ADGRL4: variants seen among roughly 807,000 people sequenced by gnomAD.
ADGRL4 encodes the protein adhesion G protein-coupled receptor L4.
ADGRL4 carries 90 observed loss-of-function variants against 74.8 expected under a neutral mutation model. That is an observed-to-expected ratio of 1.20 (90% CI 1.02 to 1.43). The LOEUF is 1.43. Among genes scored for constraint, ADGRL4 ranks in the 40% most tolerant of loss-of-function variants. The pLI, the probability that ADGRL4 is intolerant of heterozygous loss-of-function variation, is 0.00. For missense variants in ADGRL4, 881 were observed against 814.3 expected (o/e 1.08, Z -1.00); for synonymous variants, 311 against 279.2 (o/e 1.11, Z -1.14).
chr1:78,916,755 G>T (rs982908338), intron 12 of ADGRL4, among the ~76,000 whole-genome samples: 3 of 151,900 alleles, frequency 2.0e-5, no homozygotes, highest in African/African-American at 2.4e-5. Context: ...AAGATGGCTA[G>T]CTTACGGTCA....
At chr1:78,952,136 G>C (rs1266791619) in intron 2 of ADGRL4, among the ~76,000 whole-genome samples, 1 of 151,814 alleles carries the variant, frequency 6.6e-6, no homozygotes, top group African/African-American at 2.4e-5. Flanking sequence ...GATATTATTG[G>C]CCGGGCTCAA....
chr1:78,949,368 G>A (rs749051219), intron 2 of ADGRL4, among the ~76,000 whole-genome samples: 12 of 151,988 alleles, frequency 7.9e-5, no homozygotes, highest in Non-Finnish European at 1.6e-4. Flanking sequence ...GTATGGTTTT[G>A]AGCGCTTGAC....
At chr1:78,907,024 A>G (rs557337180) in intron 12 of ADGRL4, among the ~76,000 whole-genome samples, 8 of 152,108 alleles carry the variant, frequency 5.3e-5, no homozygotes, top group African/African-American at 1.9e-4. Flanking sequence ...AATTCAGGGC[A>G]TGGAAAGAAC....
chr1:78,937,162 C>T (rs569167479), intron 6 of ADGRL4, among the ~76,000 whole-genome samples: 29 of 152,188 alleles, frequency 1.9e-4, no homozygotes, highest in African/African-American at 6.3e-4. Context: ...GTGTTATATC[C>T]GGCTGGGCAT....
intron 7 of ADGRL4, among the ~76,000 whole-genome samples, chr1:78,935,772 T>C (rs1649339799): frequency 6.6e-6 from 1 of 152,080 alleles, no homozygotes; most frequent in African/African-American, 2.4e-5. Flanking sequence ...GACCCAGATA[T>C]TGTCAGCCAA....
At chr1:78,977,425 T>C (rs114000948) in intron 2 of ADGRL4, among the ~76,000 whole-genome samples, 1 of 151,838 alleles carries the variant, frequency 6.6e-6, no homozygotes, top group African/African-American at 2.4e-5. Context: ...AAACTCAGAG[T>C]GTGCATCTAA....
At chr1:78,898,434 A>G (rs1486678407) in intron 12 of ADGRL4, among the ~76,000 whole-genome samples, 1 of 152,014 alleles carries the variant, frequency 6.6e-6, no homozygotes, top group Non-Finnish European at 1.5e-5. Flanking sequence ...ATTAATCTCT[A>G]AATGTTAGTG....
chr1:78,944,206 CAG>C (rs1394871067), intron 3 of ADGRL4, among the ~76,000 whole-genome samples: 1 of 152,020 alleles, frequency 6.6e-6, no homozygotes, highest in Non-Finnish European at 1.5e-5. Flanking sequence ...GATAAAAAGA[CAG>C]ATGTCTTCTA....
At chr1:78,921,902 C>A in intron 8 of ADGRL4, 116 bp from the exon 9 acceptor site, 1 of 507,458 alleles carries the variant, frequency 2.0e-6, no homozygotes, top group Non-Finnish European at 3.2e-6. Flanking sequence ...CAGTGAAACA[C>A]AAAACAAATT....
rs773859367 is a variant in ADGRL4 at position 78,997,817 on chromosome 1, A to T, written c.172+7253T>A. On this transcript the variant is annotated intron_variant, in intron 2 of 14. Coordinates refer to ENST00000370742, the MANE Select transcript of ADGRL4 (RefSeq NM_022159.4). Reference sequence around the variant, plus strand: ...CTCCAGATTTTGCCAGCTAGCCATTACCATCTCTGAAGTAAAAGAGATTTC... The same window carrying T: ...CTCCAGATTTTGCCAGCTAGCCATTTCCATCTCTGAAGTAAAAGAGATTTC... 3.9e-5 allele frequency among the ~76,000 whole-genome samples: 6 copies of T among 152,192 alleles called. No individual in the cohort carries two copies. The South Asian group carries it at 8.3e-4, about 21-fold the overall frequency.
chr1:78,920,457 A>C (rs1195966136), intron 9 of ADGRL4, 71 bp from the exon 10 acceptor site: 45 of 868,264 alleles, frequency 5.2e-5, no homozygotes, highest in Non-Finnish European at 6.8e-5. Flanking sequence ...ACAACATATA[A>C]TGAACTTCCT....
chr1:78,947,313 A>G (rs1241077798), intron 2 of ADGRL4, among the ~76,000 whole-genome samples: 2 of 152,168 alleles, frequency 1.3e-5, no homozygotes, highest in Admixed American at 6.6e-5. Flanking sequence ...CGCTAATTCA[A>G]TGATTGACAT....
chr1:78,946,368 GTTAGTGCAA>G lies in ADGRL4; in HGVS notation c.222_230del (p.Cys75_Asn77del). On this transcript the variant is annotated inframe_deletion, in exon 3 of 15. Coordinates refer to ENST00000370742, the MANE Select transcript of ADGRL4 (RefSeq NM_022159.4). The stretch of plus-strand genomic sequence containing the variant: ...ACATACAATAATAACTTCCTTCTGT[GTTAGTGCAA>G]TTAGCATTTTCGCCACAGGACTGAG... 6.2e-7 allele frequency: 1 copy of G among 1,612,966 alleles called. No individual in the cohort carries two copies. The highest frequency in any genetic ancestry group is 8.5e-7 in the Non-Finnish European group (1 of 1,179,390).
rs750644949 is a variant in ADGRL4, at chr1:78,893,199, G to T, written c.1750-10C>A. Reference sequence around the variant, plus strand: ...AAGCCAAGAGATTAACCTGGAAAAAGAATTAATTTCAAAGAAGAGATAGTT... The same window carrying T: ...AAGCCAAGAGATTAACCTGGAAAAATAATTAATTTCAAAGAAGAGATAGTT... On this transcript the variant is annotated splice_polypyrimidine_tract_variant and intron_variant, in intron 12 of 14. Transcript: ENST00000370742. 2.0e-6 allele frequency: 3 copies of T among 1,538,064 alleles called. No individual in the cohort carries two copies. The highest frequency in any genetic ancestry group is 2.7e-6 in the Non-Finnish European group (3 of 1,124,154).
intron 3 of ADGRL4, among the ~76,000 whole-genome samples, chr1:78,940,609 A>T (rs1401586237): frequency 1.3e-5 from 2 of 152,122 alleles, no homozygotes; most frequent in South Asian, 2.1e-4. Context: ...TAATGCAAAA[A>T]TTTTTATGTT....
intron 7 of ADGRL4, among the ~76,000 whole-genome samples, chr1:78,932,512 A>G (rs1649262633): frequency 6.6e-6 from 1 of 150,994 alleles, no homozygotes; most frequent in South Asian, 2.1e-4. Flanking sequence ...CAATTAAAAG[A>G]GCTAGAGAAG....
chr1:78,917,831 C>T lies in ADGRL4; in HGVS notation c.1681G>A (p.Val561Ile), dbSNP rs1230376119. Residue 561 changes from valine (V) to isoleucine (I), a missense_variant and splice_region_variant, in exon 11 of 15, where the codon GTA becomes ATA. Transcript: ENST00000370742. ...LGYRYYGTTK[V>I]CWLSTENNFI... ...GCTCATGAAATCATTTTAACTTACA[C>T]TTTGGTTGTGCCATAATATCTGTAT... 4 of 1,611,784 alleles carry T rather than the reference C, an allele frequency of 2.5e-6. No homozygotes were observed. The South Asian group carries it at 4.4e-5, about 18-fold the overall frequency.
intron 2 of ADGRL4, among the ~76,000 whole-genome samples, chr1:78,947,814 T>G (rs145294173): frequency 6.6e-6 from 1 of 152,226 alleles, no homozygotes; most frequent in East Asian, 1.9e-4. Flanking sequence ...TAAAAACAAG[T>G]CAGGTTTGAA....
At chr1:78,972,851 T>C (rs1650196342) in intron 2 of ADGRL4, among the ~76,000 whole-genome samples, 2 of 152,210 alleles carry the variant, frequency 1.3e-5, no homozygotes, top group Non-Finnish European at 2.9e-5. Flanking sequence ...TTCCATCTGT[T>C]GTTGCTGCAT....
Sources: gnomAD v4.1 joint callset for allele counts (sites outside exome capture counted in the v4.1 genomes callset) on GRCh38, gnomAD v4.1.1 for gene constraint, MANE v1.5 for transcripts, NCBI Gene and HGNC (gene_info 2026-07-23, HGNC 2026-07-21) for gene names.